MLLT3: variants seen among roughly 807,000 people sequenced by gnomAD.
MLLT3 encodes the protein protein AF-9.
A neutral mutation model predicts 53.2 loss-of-function variants in MLLT3; 4 were observed. The observed-to-expected ratio is 0.08, with a 90% CI of 0.04 to 0.17. MLLT3 has a LOEUF of 0.17. Among genes scored for constraint, MLLT3 ranks in the 10% least tolerant of loss-of-function variants. The probability of loss-of-function intolerance (pLI) is 1.00; values close to 1 mark genes in which losing one functional copy is unlikely to be tolerated. For synonymous variants in MLLT3, 283 were observed against 230.6 expected, an observed-to-expected ratio of 1.23 and a Z score of -2.06; for missense variants, 569 against 684.0, an observed-to-expected ratio of 0.83 and a Z score of 1.87.
At chr9:20,512,980 C>T (rs925932343) in intron 2 of MLLT3, among the ~76,000 whole-genome samples, 1 of 152,252 alleles carries the variant, frequency 6.6e-6, no homozygotes, top group Admixed American at 6.5e-5. Flanking sequence ...ATCCACTACA[C>T]ATAAGACACC....
chr9:20,535,309 T>TC (rs577051259), intron 2 of MLLT3, among the ~76,000 whole-genome samples: 79 of 152,004 alleles, frequency 5.2e-4, no homozygotes, highest in Non-Finnish European at 9.9e-4. Flanking sequence ...CCCGAAACCA[T>TC]CCCCCCACCC....
intron 4 of MLLT3, among the ~76,000 whole-genome samples, chr9:20,437,529 G>A (rs1247709204): frequency 6.6e-6 from 1 of 152,134 alleles, no homozygotes; most frequent in Non-Finnish European, 1.5e-5. Context: ...GGGAGAGGGT[G>A]TAGTGGACGA....
chr9:20,556,637 C>T (rs1378651166), intron 2 of MLLT3, among the ~76,000 whole-genome samples: 1 of 152,002 alleles, frequency 6.6e-6, no homozygotes, highest in Non-Finnish European at 1.5e-5. Context: ...GATCCGAGAT[C>T]GCACCACTGC....
intron 2 of MLLT3, among the ~76,000 whole-genome samples, chr9:20,569,346 G>A (rs1002329288): frequency 3.9e-5 from 6 of 152,056 alleles, no homozygotes; most frequent in African/African-American, 1.4e-4. Context: ...CTGTTTTCGA[G>A]ACCCAGAAAG....
At chr9:20,567,188 A>AC (rs1819398318) in intron 2 of MLLT3, among the ~76,000 whole-genome samples, 1 of 151,174 alleles carries the variant, frequency 6.6e-6, no homozygotes, top group Admixed American at 6.6e-5. Flanking sequence ...GTCAAAAAAA[A>AC]AAAAAAAAAG....
chr9:20,598,420 G>C (rs1399584579), intron 2 of MLLT3, among the ~76,000 whole-genome samples: 1 of 152,146 alleles, frequency 6.6e-6, no homozygotes, highest in Non-Finnish European at 1.5e-5. Flanking sequence ...TGTCTAACTA[G>C]ATGTGTAAAT....
At chr9:20,405,531 C>T (rs1822556648) in intron 5 of MLLT3, among the ~76,000 whole-genome samples, 2 of 152,292 alleles carry the variant, frequency 1.3e-5, no homozygotes, top group African/African-American at 2.4e-5. Context: ...GACCTGGATT[C>T]GAATTCTTGC....
intron 5 of MLLT3, among the ~76,000 whole-genome samples, chr9:20,369,109 C>T (rs1821527909): frequency 6.6e-6 from 1 of 152,176 alleles, no homozygotes; most frequent in Non-Finnish European, 1.5e-5. Flanking sequence ...TAAAGCATCA[C>T]AGGTAATGAT....
At chr9:20,512,812 C>T (rs1004654894) in intron 2 of MLLT3, among the ~76,000 whole-genome samples, 37 of 152,332 alleles carry the variant, frequency 2.4e-4, no homozygotes, top group African/African-American at 7.0e-4. Context: ...CATGACTAAA[C>T]GCATCTCCAC....
intron 2 of MLLT3, among the ~76,000 whole-genome samples, chr9:20,580,746 C>T (rs1819770199): frequency 6.6e-6 from 1 of 152,180 alleles, no homozygotes; most frequent in African/African-American, 2.4e-5. Context: ...TGAAATAAAG[C>T]AGTCAAAATT....
Position 20,345,986 on chromosome 9 carries a change from T to A in MLLT3, c.*457A>T. On this transcript the variant is annotated 3_prime_UTR_variant, in exon 11 of 11. Coordinates refer to ENST00000380338, the MANE Select transcript of MLLT3 (RefSeq NM_004529.4). Reference sequence around the variant, plus strand: ...TCCACGGGACCAAGTACTTATAATGTCTGATGGTGTCATTCCCTCAACGAC... The same window carrying A: ...TCCACGGGACCAAGTACTTATAATGACTGATGGTGTCATTCCCTCAACGAC... 1 of 235,128 alleles carries A rather than the reference T, an allele frequency of 4.3e-6. No homozygotes were observed. Among genetic ancestry groups the A allele is most frequent in the Non-Finnish European group, 8.4e-6 (1 of 118,864 alleles). 14.6% of individuals were successfully genotyped at this position (235,128 alleles called of 1,614,324 possible).
At chr9:20,392,257 C>A (rs1433983236) in intron 5 of MLLT3, among the ~76,000 whole-genome samples, 1 of 152,190 alleles carries the variant, frequency 6.6e-6, no homozygotes, top group African/African-American at 2.4e-5. Context: ...ATTGTAAGAA[C>A]CTTCAGGGTC....
At position 20,459,225 on chromosome 9, in the gene MLLT3, T is replaced by C. The variant is rs900049531; in HGVS notation, c.194-2439A>G. On this transcript the variant is annotated intron_variant, in intron 2 of 10. Coordinates refer to ENST00000380338, the MANE Select transcript of MLLT3 (RefSeq NM_004529.4). ...TAAACTGAAGCCCACCTTAGGAAAATTGCCCCAAACTGACATCCGAAGAAG... is the reference window on the plus strand; with the variant it reads ...TAAACTGAAGCCCACCTTAGGAAAACTGCCCCAAACTGACATCCGAAGAAG... 2.0e-5 allele frequency among the ~76,000 whole-genome samples: 3 copies of C among 151,998 alleles called. No individual in the cohort carries two copies. In the South Asian group the frequency reaches 6.2e-4, roughly 32 times the overall value.
chr9:20,363,756 G>C, intron 6 of MLLT3, 151 bp from the exon 7 acceptor site: 1 of 653,412 alleles, frequency 1.5e-6, no homozygotes, highest in Non-Finnish European at 2.2e-6. Context: ...ATTTGGTATA[G>C]TTTCTAAAAT....
chr9:20,450,640 C>T (rs1823815171), intron 3 of MLLT3, among the ~76,000 whole-genome samples: 1 of 152,184 alleles, frequency 6.6e-6, no homozygotes, highest in Admixed American at 6.6e-5. Context: ...CCTCTATTGC[C>T]TAGTTAATGC....
At chr9:20,381,805 G>A (rs959583418) in intron 5 of MLLT3, among the ~76,000 whole-genome samples, 5 of 151,714 alleles carry the variant, frequency 3.3e-5, no homozygotes, top group Admixed American at 1.3e-4. Context: ...TTGGATGAAC[G>A]ACTTTCAATG....
At position 20,343,214 on chromosome 9, in the gene MLLT3, A is replaced by AAAAATAT. The variant is rs56934102; in HGVS notation, c.*3228_*3229insATATTTT. On this transcript the variant is annotated 3_prime_UTR_variant, in exon 11 of 11. Transcript: ENST00000380338. The stretch of plus-strand genomic sequence containing the variant: ...AAAAAAAAAAAAAAAAAAAAAAAAA[A>AAAAATAT]TTTTGAAGAAACTTTTTAGTGGAAG... 1 of 115,062 alleles carries AAAAATAT rather than the reference A, an allele frequency of 8.7e-6. No homozygotes were observed. Among genetic ancestry groups the AAAAATAT allele is most frequent in the African/African-American group, 6.7e-5 (1 of 14,932 alleles). 7.1% of individuals were successfully genotyped at this position (115,062 alleles called of 1,614,324 possible).
intron 9 of MLLT3, 37 bp downstream of exon 9, chr9:20,354,771 G>C (rs769046984): frequency 1.5e-6 from 2 of 1,334,488 alleles, no homozygotes; most frequent in Non-Finnish European, 2.2e-6. Flanking sequence ...AGGCTTGTCA[G>C]TGTTGGAGCC....
intron 2 of MLLT3, among the ~76,000 whole-genome samples, chr9:20,540,099 G>A (rs1818589375): frequency 6.6e-6 from 1 of 152,226 alleles, no homozygotes; most frequent in Non-Finnish European, 1.5e-5. Flanking sequence ...CTCACATCTA[G>A]GGCATGCTGA....
Sources: gnomAD v4.1 joint callset for allele counts (sites outside exome capture counted in the v4.1 genomes callset) on GRCh38, gnomAD v4.1.1 for gene constraint, MANE v1.5 for transcripts, NCBI Gene and HGNC (gene_info 2026-07-23, HGNC 2026-07-21) for gene names.